The following BRINP2 variants were observed in gnomAD, a reference collection of about 807,000 sequenced individuals.
BRINP2 encodes the protein BMP/retinoic acid-inducible neural-specific protein 2.
A neutral mutation model predicts 69.2 loss-of-function variants in BRINP2; 21 were observed. That is an observed-to-expected ratio of 0.30 (90% CI 0.22 to 0.44). BRINP2 has a LOEUF of 0.44. BRINP2 is among the 20% of genes least tolerant of loss of function. The pLI is 1.00. For missense variants in BRINP2, 877 were observed against 986.0 expected, an observed-to-expected ratio of 0.89 and a Z score of 1.48; for synonymous variants, 380 against 394.1, an observed-to-expected ratio of 0.96 and a Z score of 0.42.
chr1:177,215,250 G>C (rs1384572009), intron 1 of BRINP2, among the ~76,000 whole-genome samples: 6 of 152,078 alleles, frequency 3.9e-5, no homozygotes, highest in African/African-American at 1.4e-4. Context: ...CCTTTTTAAG[G>C]CTCAATCATA....
At chr1:177,255,568 G>C (rs945792244) in intron 2 of BRINP2, among the ~76,000 whole-genome samples, 2 of 152,234 alleles carry the variant, frequency 1.3e-5, no homozygotes, top group Non-Finnish European at 2.9e-5. Flanking sequence ...ACTGTGATTA[G>C]ATCACATCTT....
Position 177,236,508 on chromosome 1 carries a change from G to T in BRINP2, c.269+6363G>T, listed in dbSNP as rs183415491. 1.8e-3 allele frequency among the ~76,000 whole-genome samples: 267 copies of T among 152,274 alleles called. 1 individual carries two copies. Among genetic ancestry groups the T allele is most frequent in the South Asian group, 5.2e-3 (25 of 4,822 alleles). On this transcript the variant is annotated intron_variant, in intron 2 of 7. Coordinates refer to ENST00000361539, the MANE Select transcript of BRINP2 (RefSeq NM_021165.4). ...ATTCATTCAACACCCATTTTTGAGG[G>T]CCAGCTTGGTGCTTATTATTGCACT...
At chr1:177,249,667 C>A (rs1650518530) in intron 2 of BRINP2, among the ~76,000 whole-genome samples, 1 of 152,072 alleles carries the variant, frequency 6.6e-6, no homozygotes, top group South Asian at 2.1e-4. Flanking sequence ...TAGAAAACAT[C>A]CTTTTCTTAG....
chr1:177,224,233 C>G (rs992379801), intron 1 of BRINP2, among the ~76,000 whole-genome samples: 1 of 152,074 alleles, frequency 6.6e-6, no homozygotes, highest in Non-Finnish European at 1.5e-5. Context: ...TTCAAGAAAA[C>G]ATCTCCTCAA....
At chr1:177,244,822 G>A (rs984103764) in intron 2 of BRINP2, among the ~76,000 whole-genome samples, 2 of 152,140 alleles carry the variant, frequency 1.3e-5, no homozygotes, top group Admixed American at 1.3e-4. Context: ...CATAGTAAGG[G>A]CAGAAATGCA....
chr1:177,245,263 AAAAAG>A (rs1187314643), intron 2 of BRINP2, among the ~76,000 whole-genome samples: 1 of 151,962 alleles, frequency 6.6e-6, no homozygotes, highest in African/African-American at 2.4e-5. Flanking sequence ...TTCCATCTTT[AAAAAG>A]AAAGAACGTT....
chr1:177,220,766 A>G (rs979255400), intron 1 of BRINP2, among the ~76,000 whole-genome samples: 1 of 152,164 alleles, frequency 6.6e-6, no homozygotes, highest in African/African-American at 2.4e-5. Context: ...GTTTGGGGAT[A>G]TGAGGGAAGA....
chr1:177,274,081 C>A (rs970270055), intron 5 of BRINP2, among the ~76,000 whole-genome samples: 1 of 152,182 alleles, frequency 6.6e-6, no homozygotes, highest in Non-Finnish European at 1.5e-5. Flanking sequence ...TTGAAGGTGG[C>A]CCCTGCTTTC....
intron 1 of BRINP2, among the ~76,000 whole-genome samples, chr1:177,174,498 A>G (rs1035543831): frequency 9.9e-5 from 15 of 152,244 alleles, no homozygotes; most frequent in African/African-American, 3.6e-4. Flanking sequence ...GCAATTCAAT[A>G]CCAGAGAATT....
rs1204073170 is a variant in BRINP2, at chr1:177,281,106, G to A, written c.1930G>A (p.Val644Ile). Residue 644 changes from valine (V) to isoleucine (I), a missense_variant, in exon 8 of 8, where the codon GTT becomes ATT. Physicochemically the swap from Val to Ile is conservative, Grantham distance 29. Around this residue, in one of 3 missense-constraint regions of BRINP2, gnomAD observed 225 missense variants for 218.7 expected, o/e 1.03. Coordinates refer to ENST00000361539, the MANE Select transcript of BRINP2 (RefSeq NM_021165.4). ...RWKTFFETVH[V>I]YLRSRIKSLD... is the part of the protein sequence containing the mutation. ...GAAGACTTTCTTTGAGACAGTTCAT[G>A]TTTACCTACGGAGCCGAATCAAGTC... 2 of 1,614,194 alleles carry A rather than the reference G, an allele frequency of 1.2e-6. No homozygotes were observed. Among genetic ancestry groups the A allele is most frequent in the South Asian group, 2.2e-5 (2 of 91,086 alleles).
intron 1 of BRINP2, among the ~76,000 whole-genome samples, chr1:177,185,851 T>A (rs752522605): frequency 1.3e-5 from 2 of 152,114 alleles, no homozygotes; most frequent in Non-Finnish European, 2.9e-5. Flanking sequence ...GTTCTGGAAA[T>A]TACTGCCAGT....
intron 1 of BRINP2, among the ~76,000 whole-genome samples, chr1:177,183,945 A>T (rs1281889321): frequency 6.6e-6 from 1 of 152,248 alleles, no homozygotes; most frequent in Non-Finnish European, 1.5e-5. Flanking sequence ...AAGATGGGAC[A>T]TTCAATGAGA....
chr1:177,195,148 T>C (rs1262942310), intron 1 of BRINP2, among the ~76,000 whole-genome samples: 1 of 152,164 alleles, frequency 6.6e-6, no homozygotes, highest in Non-Finnish European at 1.5e-5. Context: ...ATTCATTGTA[T>C]TTGGTTCTAA....
At chr1:177,234,330 TACTCTAG>T (rs1344136487) in intron 2 of BRINP2, among the ~76,000 whole-genome samples, 7 of 152,166 alleles carry the variant, frequency 4.6e-5, no homozygotes, top group Non-Finnish European at 7.3e-5. Context: ...TCCTGCTCAT[TACTCTAG>T]ACCATGCCAC....
chr1:177,278,507 CT>C, intron 6 of BRINP2, 55 bp from the exon 7 acceptor site: 2 of 1,549,964 alleles, frequency 1.3e-6, no homozygotes, highest in Non-Finnish European at 1.8e-6. Flanking sequence ...CCACTTGCCC[CT>C]ACCAGAGTTC....
intron 4 of BRINP2, among the ~76,000 whole-genome samples, chr1:177,263,574 C>T (rs149455659): frequency 5.9e-5 from 9 of 152,178 alleles, no homozygotes; most frequent in African/African-American, 1.2e-4. Flanking sequence ...TGGTTAGAAC[C>T]GAAAGGCAAA....
At chr1:177,173,584 G>C (rs1315803485) in intron 1 of BRINP2, among the ~76,000 whole-genome samples, 1 of 152,194 alleles carries the variant, frequency 6.6e-6, no homozygotes, top group Non-Finnish European at 1.5e-5. Flanking sequence ...TGCTCTGTCA[G>C]CATGGGGCTG....
chr1:177,248,873 G>T (rs1402226452), intron 2 of BRINP2, among the ~76,000 whole-genome samples: 2 of 152,068 alleles, frequency 1.3e-5, no homozygotes, highest in Non-Finnish European at 2.9e-5. Context: ...ATTCTCATCG[G>T]AGACCCTTTT....
intron 4 of BRINP2, among the ~76,000 whole-genome samples, chr1:177,266,546 T>G (rs971465116): frequency 6.6e-6 from 1 of 151,776 alleles, no homozygotes; most frequent in Non-Finnish European, 1.5e-5. Flanking sequence ...GATCACGAGG[T>G]CAGGAGATCA....
Sources: gnomAD v4.1 joint callset for allele counts (sites outside exome capture counted in the v4.1 genomes callset) on GRCh38, gnomAD v4.1.1 for gene constraint, gnomAD v4.1.1 regional missense constraint, MANE v1.5 for transcripts, NCBI Gene and HGNC (gene_info 2026-07-23, HGNC 2026-07-21) for gene names.